ARAP2: variants seen among roughly 807,000 people sequenced by gnomAD.
ARAP2 encodes the protein ArfGAP with RhoGAP domain, ankyrin repeat and PH domain 2, also known as arf-GAP with Rho-GAP domain, ANK repeat and PH domain-containing protein 2.
ARAP2 carries 148 observed loss-of-function variants against 194.5 expected under a neutral mutation model. The observed-to-expected ratio is 0.76, with a 90% CI of 0.67 to 0.87. ARAP2 has a LOEUF of 0.87. Ranked by LOEUF, ARAP2 falls within the 40% of genes least tolerant of loss-of-function variation. ARAP2 has a pLI of 0.00. For missense variants in ARAP2, 2,128 were observed against 1,989.7 expected (o/e 1.07, Z -1.32); for synonymous variants, 695 against 683.5 (o/e 1.02, Z -0.26).
intron 9 of ARAP2, among the ~76,000 whole-genome samples, chr4:36,008,806 G>A (rs780885312): frequency 6.6e-6 from 1 of 151,902 alleles, no homozygotes; most frequent in Non-Finnish European, 1.5e-5. Context: ...ACCCAACAAA[G>A]GTCTATTATC....
rs182914579 is a variant in ARAP2 at position 36,163,678 on chromosome 4, G to A, written c.2173+1236C>T. On this transcript the variant is annotated intron_variant, in intron 11 of 32. Coordinates refer to ENST00000303965, the MANE Select transcript of ARAP2 (RefSeq NM_015230.4). ...ACAAACTTGTGCAAGTTTATACAAT[G>A]AAACAAAAGAAACCATGGCTAAATA... Among the ~76,000 whole-genome samples the A allele has an allele frequency of 2.3e-3, 356 of 152,084 alleles. 1 individual carries two copies. The highest frequency in any genetic ancestry group is 7.8e-3 in the African/African-American group (325 of 41,480).
intron 3 of ARAP2, 107 bp downstream of exon 3, chr4:36,214,315 A>C: frequency 1.3e-6 from 1 of 769,418 alleles, no homozygotes. Context: ...AGTTATTTCC[A>C]TTGTTCCCTA....
chr4:36,080,096 T>C lies in ARAP2; in HGVS notation c.4608+120A>G, dbSNP rs141718644. The C allele has an allele frequency of 1.0e-3, 720 of 715,258 alleles. 1 individual carries two copies. The African/African-American group carries it at 0.011, about 11-fold the overall frequency. 44.3% of individuals were successfully genotyped at this position (715,258 alleles called of 1,614,324 possible). A position where few individuals can be genotyped will look rare whatever the true frequency, so the allele number is the denominator to read the frequency against. On this transcript the variant is annotated intron_variant, in intron 31 of 32. Transcript: ENST00000303965. ...CTAAGAATGAGAGAATCAAAGTTTA[T>C]GCCAATTGTACATACATTTAAAATG... is the stretch of plus-strand genomic sequence containing the variant.
chr4:36,199,067 C>T lies in ARAP2; in HGVS notation c.1488-5420G>A, dbSNP rs116657390. Among the ~76,000 whole-genome samples, 1,167 of 152,338 alleles carry T rather than the reference C, an allele frequency of 7.7e-3. 21 individuals are homozygous for T. The highest frequency in any genetic ancestry group is 0.027 in the African/African-American group (1,130 of 41,578). ...CCGAGGAGCTCCCACCTTACCAACT[C>T]GGAAGGGGCAGGGCTCCCACTTGTC... is the stretch of plus-strand genomic sequence containing the variant. On this transcript the variant is annotated intron_variant, in intron 6 of 32. Coordinates refer to ENST00000303965, the MANE Select transcript of ARAP2 (RefSeq NM_015230.4).
intron 28 of ARAP2, among the ~76,000 whole-genome samples, chr4:36,089,695 A>G (rs1271546624): frequency 6.6e-6 from 1 of 152,082 alleles, no homozygotes; most frequent in East Asian, 1.9e-4. Context: ...GATATTGAAC[A>G]CTTTTGAATC....
downstream of ARAP2, among the ~76,000 whole-genome samples, chr4:36,062,202 TACTC>T (rs1724558576): frequency 6.6e-6 from 1 of 152,170 alleles, no homozygotes; most frequent in Middle Eastern, 3.2e-3. Context: ...ATGGGGATAT[TACTC>T]AAGAAATTTT....
intron 19 of ARAP2, among the ~76,000 whole-genome samples, chr4:36,143,654 A>G (rs1728900704): frequency 6.6e-6 from 1 of 151,806 alleles, no homozygotes; most frequent in East Asian, 1.9e-4. Context: ...AAAAGCAAGT[A>G]AACCAAAGAC....
chr4:36,213,873 C>G (rs971589631), intron 3 of ARAP2, among the ~76,000 whole-genome samples: 1 of 152,056 alleles, frequency 6.6e-6, no homozygotes, highest in Admixed American at 6.5e-5. Flanking sequence ...TTGAATTATA[C>G]TAATCTACAA....
At chr4:36,237,374 T>C (rs938344074) in intron 1 of ARAP2, among the ~76,000 whole-genome samples, 1 of 152,212 alleles carries the variant, frequency 6.6e-6, no homozygotes, top group Non-Finnish European at 1.5e-5. Context: ...GGTTTGGATG[T>C]TTTGTCCCCT....
chr4:36,211,057 A>C (rs1014510067), intron 5 of ARAP2, among the ~76,000 whole-genome samples: 2 of 152,102 alleles, frequency 1.3e-5, no homozygotes, highest in African/African-American at 4.8e-5. Flanking sequence ...TCACAATTTA[A>C]ACATCTTTAA....
Position 36,164,936 on chromosome 4 carries a change from A to C in ARAP2, c.2151T>G (p.Val717=), listed in dbSNP as rs776537472. ...TACCTGCACACTTCTTACAGATGACAACACAGAGATTGATGGATGCCCAGT... is the reference window on the plus strand; with the variant it reads ...TACCTGCACACTTCTTACAGATGACCACACAGAGATTGATGGATGCCCAGT... ...DPDWASINLC[V]VICKKCAGQH... Residue 717 remains valine, a synonymous_variant, in exon 11 of 33, where the codon GTT becomes GTG. Coordinates refer to ENST00000303965, the MANE Select transcript of ARAP2 (RefSeq NM_015230.4). 1.2e-6 allele frequency: 2 copies of C among 1,614,106 alleles called. No homozygotes were observed. The highest frequency in any genetic ancestry group is 1.7e-6 in the Non-Finnish European group (2 of 1,179,934).
chr4:36,237,904 C>A (rs1343913279), intron 1 of ARAP2, among the ~76,000 whole-genome samples: 2 of 152,136 alleles, frequency 1.3e-5, no homozygotes, highest in African/African-American at 4.8e-5. Context: ...TTCCAAGAAC[C>A]ATGTAAAAGA....
chr4:36,033,493 C>T (rs1219852156), intron 5 of ARAP2, among the ~76,000 whole-genome samples: 2 of 65,428 alleles, frequency 3.1e-5, no homozygotes, highest in Admixed American at 2.5e-4. Flanking sequence ...TCAATGGGGT[C>T]GTTTTTTTTT....
chr4:36,027,506 G>A (rs1455149011), intron 5 of ARAP2, among the ~76,000 whole-genome samples: 1 of 151,612 alleles, frequency 6.6e-6, no homozygotes, highest in Non-Finnish European at 1.5e-5. Flanking sequence ...CGAAGCAATC[G>A]CTGACACTCA....
Position 36,231,375 on chromosome 4 carries a change from A to G in ARAP2, c.-159-1730T>C, listed in dbSNP as rs978950496. ...AATAAATAAATAAAAAATTTTAAAA[A>G]AAGAAAAGTTACACAACACTACATA... On this transcript the variant is annotated intron_variant, in intron 1 of 32. Transcript: ENST00000303965. Among the ~76,000 whole-genome samples, 6 of 152,034 alleles carry G rather than the reference A, an allele frequency of 3.9e-5. No homozygotes were observed. In the South Asian group the frequency reaches 8.3e-4, roughly 21 times the overall value.
At chr4:36,038,716 T>A (rs1720343282) in intron 5 of ARAP2, among the ~76,000 whole-genome samples, 1 of 152,214 alleles carries the variant, frequency 6.6e-6, no homozygotes. Flanking sequence ...AAAATGTGTA[T>A]CTTTGTAAAA....
chr4:36,119,824 TAAATG>T, intron 23 of ARAP2, 106 bp from the exon 24 acceptor site: 1 of 728,884 alleles, frequency 1.4e-6, no homozygotes, highest in Non-Finnish European at 2.2e-6. Context: ...AACTTAAAAA[TAAATG>T]AGAATGGCCA....
intron 25 of ARAP2, among the ~76,000 whole-genome samples, chr4:36,115,184 C>G (rs1190294911): frequency 1.3e-5 from 2 of 152,016 alleles, no homozygotes; most frequent in Non-Finnish European, 2.9e-5. Flanking sequence ...TATTTCACTG[C>G]AGGTAACTCG....
intron 22 of ARAP2, among the ~76,000 whole-genome samples, chr4:36,123,220 ACAGT>A (rs1399752829): frequency 6.6e-6 from 1 of 151,768 alleles, no homozygotes; most frequent in African/African-American, 2.4e-5. Context: ...TATGTATCTC[ACAGT>A]CAGAAACTCT....
Sources: gnomAD v4.1 joint callset for allele counts (sites outside exome capture counted in the v4.1 genomes callset) on GRCh38, gnomAD v4.1.1 for gene constraint, MANE v1.5 for transcripts, NCBI Gene and HGNC (gene_info 2026-07-23, HGNC 2026-07-21) for gene names.